The following HEATR5A variants were observed in gnomAD, a reference collection of about 807,000 sequenced individuals.
HEATR5A encodes HEAT repeat containing 5A, also known as HEAT repeat-containing protein 5A.
Under a neutral mutation model 218.8 loss-of-function variants are expected in HEATR5A, and 178 were observed. The ratio of observed to expected loss-of-function variants is 0.81; its 90% CI spans 0.72 to 0.92. The LOEUF (loss-of-function observed/expected upper bound fraction) is 0.92, where lower values mean the gene tolerates loss of function less well. Among genes scored for constraint, HEATR5A ranks in the 40% least tolerant of loss-of-function variants. HEATR5A has a pLI of 0.00. For missense variants in HEATR5A, 2,420 were observed against 2,418.9 expected (o/e 1.00, Z -0.01); for synonymous variants, 864 against 871.6 (o/e 0.99, Z 0.15).
chr14:31,395,415 A>G (rs1001373432), intron 4 of HEATR5A, 67 bp from the exon 5 acceptor site: 4 of 822,820 alleles, frequency 4.9e-6, no homozygotes, highest in Admixed American at 5.1e-5. Context: ...TTAAACATTG[A>G]TATCTGTCTC....
At chr14:31,316,942 C>T (rs1899930884) in intron 26 of HEATR5A, among the ~76,000 whole-genome samples, 1 of 152,142 alleles carries the variant, frequency 6.6e-6, no homozygotes, top group Non-Finnish European at 1.5e-5. Flanking sequence ...CTTGCCTGCG[C>T]CTCCCAAAGT....
In HEATR5A at chr14:31,344,404, G is replaced by A. The variant is rs538967725; in HGVS notation, c.3059-339C>T. 3.3e-5 allele frequency among the ~76,000 whole-genome samples: 5 copies of A among 150,128 alleles called. No homozygotes were observed. In the South Asian group the frequency reaches 8.5e-4, roughly 26 times the overall value. On this transcript the variant is annotated intron_variant, in intron 20 of 35. Transcript: ENST00000543095. ...GTGATTCTCCTGCCTCCGGTCTCCC[G>A]AGTAGCTGGGACTACAGGCGCACAC...
intron 28 of HEATR5A, among the ~76,000 whole-genome samples, chr14:31,311,191 C>T (rs536124361): frequency 8.6e-5 from 13 of 152,046 alleles, no homozygotes; most frequent in African/African-American, 1.7e-4. Context: ...AGATTAAGAG[C>T]GGCTACAAAG....
At chr14:31,304,785 A>G (rs1899503226) in intron 32 of HEATR5A, 120 bp downstream of exon 32, 1 of 963,896 alleles carries the variant, frequency 1.0e-6, no homozygotes, top group South Asian at 1.6e-5. Flanking sequence ...ATTAAAGACA[A>G]TACCCAAATG....
chr14:31,401,704 T>C (rs1008356827), intron 2 of HEATR5A, among the ~76,000 whole-genome samples: 1 of 152,194 alleles, frequency 6.6e-6, no homozygotes, highest in Admixed American at 6.5e-5. Context: ...TATTTTCAAC[T>C]ACAGCATCTG....
In HEATR5A at chr14:31,398,571, T is replaced by C. The variant is rs191411575; in HGVS notation, c.447+102A>G. The C allele has an allele frequency of 2.2e-4, 134 of 607,756 alleles. No individual in the cohort carries two copies. In the African/African-American group the frequency reaches 2.2e-3, roughly 10 times the overall value. 37.6% of individuals were successfully genotyped at this position (607,756 alleles called of 1,614,324 possible). On this transcript the variant is annotated intron_variant, in intron 4 of 35. Transcript: ENST00000543095. ...TTATGGGTACATTTATATTCATATC[T>C]ACATATGCTTGACATATGTAAAGCT...
Position 31,415,808 on chromosome 14 carries a change from A to G in HEATR5A, c.-75+4664T>C, listed in dbSNP as rs373635125. On this transcript the variant is annotated intron_variant, in intron 1 of 35. Coordinates refer to ENST00000543095, the MANE Select transcript of HEATR5A (RefSeq NM_015473.4). ...ATGTAGAAACCTCCAAATGCAACAGAAAAGTATATAAATGCTATTGTATAT... is the reference window on the plus strand; with the variant it reads ...ATGTAGAAACCTCCAAATGCAACAGGAAAGTATATAAATGCTATTGTATAT... 1.9e-3 allele frequency among the ~76,000 whole-genome samples: 290 copies of G among 152,376 alleles called. 11 individuals are homozygous for G. In the South Asian group the frequency reaches 0.058, roughly 31 times the overall value.
At chr14:31,302,680 A>C in intron 32 of HEATR5A, 161 bp from the exon 33 acceptor site, 1 of 581,168 alleles carries the variant, frequency 1.7e-6, no homozygotes, top group Non-Finnish European at 3.0e-6. Flanking sequence ...TAGCTTTATT[A>C]AAATTTTTAT....
chr14:31,358,621 C>G lies in HEATR5A; in HGVS notation c.2411+16G>C. Reference sequence around the variant, plus strand: ...GTTCTCTATTATCCATTCACTGAACCATTGAAGATATTTACCTTTGAGTTT... The same window carrying G: ...GTTCTCTATTATCCATTCACTGAACGATTGAAGATATTTACCTTTGAGTTT... On this transcript the variant is annotated intron_variant, in intron 16 of 35. Transcript: ENST00000543095. The G allele has an allele frequency of 6.2e-7, 1 of 1,607,310 alleles. No individual in the cohort carries two copies. The highest frequency in any genetic ancestry group is 8.5e-7 in the Non-Finnish European group (1 of 1,175,938).
At chr14:31,293,640 C>A in intron 35 of HEATR5A, 28 bp from the exon 36 acceptor site, 2 of 1,557,636 alleles carry the variant, frequency 1.3e-6, no homozygotes, top group South Asian at 2.5e-5. Context: ...AATATAAGTT[C>A]AGTGACATAA....
chr14:31,328,866 T>G (rs1595102080), intron 22 of HEATR5A, among the ~76,000 whole-genome samples: 6 of 143,914 alleles, frequency 4.2e-5, no homozygotes, highest in Admixed American at 7.2e-5. Flanking sequence ...GGAGACGGAG[T>G]GAGACTCTGT....
rs1470161020 is a variant in HEATR5A, at chr14:31,343,095, T to TC, written c.3228+800_3228+801insG. On this transcript the variant is annotated intron_variant, in intron 21 of 35. Transcript: ENST00000543095. The stretch of plus-strand genomic sequence containing the variant: ...ACTGGTGACATGGTAAATCTTTTTT[T>TC]TTTTTTTTTTCCTGAGACGGAGTTT... 2.1e-3 allele frequency among the ~76,000 whole-genome samples: 322 copies of TC among 152,146 alleles called. 1 individual carries two copies. The highest frequency in any genetic ancestry group is 7.3e-3 in the African/African-American group (302 of 41,510).
At chr14:31,356,835 G>C (rs1017957104) in intron 16 of HEATR5A, among the ~76,000 whole-genome samples, 9 of 152,104 alleles carry the variant, frequency 5.9e-5, no homozygotes, top group Non-Finnish European at 8.8e-5. Flanking sequence ...AAGAGGAAAG[G>C]CTGTAAAAAG....
intron 18 of HEATR5A, among the ~76,000 whole-genome samples, chr14:31,349,181 A>G (rs770604985): frequency 1.2e-3 from 180 of 152,184 alleles, no homozygotes; most frequent in Middle Eastern, 3.4e-3. Flanking sequence ...CAAGGTCAGG[A>G]GTTCGAGACC....
intron 17 of HEATR5A, 95 bp downstream of exon 17, chr14:31,350,517 G>C (rs1595125310): frequency 3.0e-6 from 2 of 673,734 alleles, no homozygotes; most frequent in South Asian, 3.6e-5. Flanking sequence ...AAGGAAAAAA[G>C]AGCATTTTAA....
At chr14:31,368,398 A>G (rs957050761) in intron 13 of HEATR5A, among the ~76,000 whole-genome samples, 1 of 152,234 alleles carries the variant, frequency 6.6e-6, no homozygotes, top group Non-Finnish European at 1.5e-5. Context: ...ATAGCAGCAT[A>G]GCAGCACAAA....
rs375142168 is a variant in HEATR5A at position 31,337,588 on chromosome 14, T to C, written c.3255A>G (p.Leu1085=). The C allele has an allele frequency of 1.6e-4, 253 of 1,601,354 alleles. No homozygotes were observed. The highest frequency in any genetic ancestry group is 1.9e-4 in the Non-Finnish European group (227 of 1,173,870). Reference sequence around the variant, plus strand: ...AGCAAGCCAGTACTGCTCTTCTCAGTAACAAGTAGGGGCTACAAAGATTCA... The same window carrying C: ...AGCAAGCCAGTACTGCTCTTCTCAGCAACAAGTAGGGGCTACAAAGATTCA... ...LCVNLCSPYL[L]LRRAVLACLR... Residue 1085 remains leucine (L), a synonymous_variant, in exon 22 of 36, where the codon TTA becomes TTG. Coordinates refer to ENST00000543095, the MANE Select transcript of HEATR5A (RefSeq NM_015473.4).
chr14:31,296,091 G>T, intron 33 of HEATR5A, 28 bp from the exon 34 acceptor site: 1 of 1,599,424 alleles, frequency 6.3e-7, no homozygotes, highest in Non-Finnish European at 8.6e-7. Flanking sequence ...ATTAGAAACA[G>T]TTCATATTTA....
rs761039827 is a variant in HEATR5A at position 31,383,483 on chromosome 14, A to C, written c.1596+38T>G. The stretch of plus-strand genomic sequence containing the variant: ...CTATGTGAAGATACTTCTAACAAAA[A>C]GCACCTCATTATCATACATAGAGAA... On this transcript the variant is annotated intron_variant, in intron 10 of 35. Coordinates refer to ENST00000543095, the MANE Select transcript of HEATR5A (RefSeq NM_015473.4). 4.2e-5 allele frequency: 66 copies of C among 1,557,358 alleles called. 1 individual carries two copies. The highest frequency in any genetic ancestry group is 5.7e-5 in the Non-Finnish European group (65 of 1,148,644).
Sources: allele counts gnomAD v4.1 joint callset (sites outside exome capture counted in the v4.1 genomes callset), GRCh38; gene constraint gnomAD v4.1.1; transcripts MANE v1.5; gene names NCBI Gene and HGNC (gene_info 2026-07-23, HGNC 2026-07-21).